The following RGL1 variants were observed in gnomAD, a reference collection of about 807,000 sequenced individuals.
The protein encoded by RGL1 is ral guanine nucleotide dissociation stimulator-like 1.
A neutral mutation model predicts 95.2 loss-of-function variants in RGL1; 24 were observed. The observed-to-expected ratio is 0.25, with a 90% CI of 0.18 to 0.35. The LOEUF is 0.35. Ranked by LOEUF, RGL1 falls within the 10% of genes least tolerant of loss-of-function variation. The pLI, the probability that RGL1 is intolerant of heterozygous loss-of-function variation, is 1.00. For synonymous variants in RGL1, 329 were observed against 344.9 expected, an observed-to-expected ratio of 0.95 and a Z score of 0.51; for missense variants, 715 against 936.3, an observed-to-expected ratio of 0.76 and a Z score of 3.08.
intron 2 of RGL1, chr1:183,754,363 C>G (rs1231432479): frequency 6.6e-6 from 1 of 152,044 alleles, no homozygotes; most frequent in East Asian, 1.9e-4. Context: ...GGTAACAAGT[C>G]CTATGTTGGT....
intron 1 of RGL1, among the ~76,000 whole-genome samples, chr1:183,654,630 C>T (rs929815143): frequency 2.0e-5 from 3 of 152,050 alleles, no homozygotes; most frequent in Non-Finnish European, 4.4e-5. Context: ...GAGGAAAAGA[C>T]AAAAAATATA....
intron 1 of RGL1, among the ~76,000 whole-genome samples, chr1:183,723,348 G>T (rs887244818): frequency 5.9e-5 from 9 of 152,210 alleles, no homozygotes; most frequent in African/African-American, 2.2e-4. Context: ...CGTAAGGACT[G>T]AAAATCAGTT....
rs761025520 is a variant in RGL1 at position 183,904,911 on chromosome 1, C to T, written c.1412C>T (p.Thr471Ile). 6.2e-7 allele frequency: 1 copy of T among 1,613,708 alleles called. No homozygotes were observed. The highest frequency in any genetic ancestry group is 8.5e-7 in the Non-Finnish European group (1 of 1,179,858). ...TCTGCCTGCAACAGCTATTGCATGA[C>T]CCCAGACCAAAAGTTCATCCAGTGG... ...LQSACNSYCM[T>I]PDQKFIQWFQ... The change falls in exon 13 of 18, where the codon ACC becomes ATC. Residue 471 changes from threonine to isoleucine, a missense_variant. By Grantham distance (89) the Thr-to-Ile change is moderately conservative (BLOSUM62 -1). Around this residue, in one of 3 missense-constraint regions of RGL1, gnomAD observed 330 missense variants for 429.6 expected, o/e 0.77. Coordinates refer to ENST00000360851, the MANE Select transcript of RGL1 (RefSeq NM_001297671.3).
In RGL1 at chr1:183,760,819, T is replaced by C. The variant is rs550256724; in HGVS notation, c.132+18530T>C. Among the ~76,000 whole-genome samples the C allele has an allele frequency of 3.9e-4, 60 of 152,330 alleles. 1 individual carries two copies. Among genetic ancestry groups the C allele is most frequent in the African/African-American group, 1.4e-3 (60 of 41,572 alleles). On this transcript the variant is annotated intron_variant, in intron 2 of 18. Transcript: ENST00000304685. Reference sequence around the variant, plus strand: ...GCTGCTACTTTATCAACTAAGTTTATGTAATATCTAAATCCTTTGTTGTCA... The same window carrying C: ...GCTGCTACTTTATCAACTAAGTTTACGTAATATCTAAATCCTTTGTTGTCA...
intron 2 of RGL1, among the ~76,000 whole-genome samples, chr1:183,811,200 A>T (rs1240509863): frequency 6.6e-6 from 1 of 152,236 alleles, no homozygotes; most frequent in East Asian, 1.9e-4. Context: ...AAAGCAGGGC[A>T]CAAAGGTATC....
intron 2 of RGL1, among the ~76,000 whole-genome samples, chr1:183,842,805 C>G (rs982144263): frequency 6.6e-6 from 1 of 152,170 alleles, no homozygotes; most frequent in African/African-American, 2.4e-5. Flanking sequence ...TCGTCTTCAA[C>G]TTAATAATTC....
At chr1:183,794,090 ACACG>A (rs1227291268) in intron 2 of RGL1, among the ~76,000 whole-genome samples, 2 of 148,180 alleles carry the variant, frequency 1.3e-5, no homozygotes, top group Non-Finnish European at 3.0e-5. Context: ...ACACACACAC[ACACG>A]AATACTATTC....
chr1:183,692,039 CTT>C (rs1405587764), intron 1 of RGL1, among the ~76,000 whole-genome samples: 1 of 150,282 alleles, frequency 6.7e-6, no homozygotes, highest in Non-Finnish European at 1.5e-5. Flanking sequence ...ATATGAGAAT[CTT>C]AATATATATT....
chr1:183,645,369 C>T (rs1288212637), intron 1 of RGL1, among the ~76,000 whole-genome samples: 1 of 152,176 alleles, frequency 6.6e-6, no homozygotes, highest in Admixed American at 6.5e-5. Context: ...ACCCCCAAAC[C>T]CTGGACCTTG....
chr1:183,854,172 G>A (rs1349405454), intron 3 of RGL1, among the ~76,000 whole-genome samples: 2 of 152,152 alleles, frequency 1.3e-5, no homozygotes, highest in South Asian at 2.1e-4. Context: ...ATAACACAGA[G>A]TTATAAAGGA....
Position 183,771,670 on chromosome 1 carries a change from A to G in RGL1, c.132+29381A>G, listed in dbSNP as rs568237076. On this transcript the variant is annotated intron_variant, in intron 2 of 18. Coordinates refer to the RGL1 transcript ENST00000304685. ...GAAGAGCGTGGTTCCTTTAAATGAT[A>G]TGGAAGCGGGAAGGGAAGTGTTGGA... is the stretch of plus-strand genomic sequence containing the variant. Among the ~76,000 whole-genome samples the G allele has an allele frequency of 3.8e-4, 58 of 151,932 alleles. 1 individual carries two copies. Among genetic ancestry groups the G allele is most frequent in the African/African-American group, 1.4e-3 (58 of 41,412 alleles).
intron 1 of RGL1, among the ~76,000 whole-genome samples, chr1:183,738,442 A>G (rs1235988885): frequency 6.6e-6 from 1 of 152,114 alleles, no homozygotes; most frequent in Non-Finnish European, 1.5e-5. Context: ...AAAGAAAAAG[A>G]AAGAAGTCAG....
intron 1 of RGL1, among the ~76,000 whole-genome samples, chr1:183,668,626 GT>G (rs1652208555): frequency 6.6e-6 from 1 of 151,830 alleles, no homozygotes; most frequent in African/African-American, 2.4e-5. Flanking sequence ...TTTTCTTTAT[GT>G]TTAATTTTTT....
At chr1:183,859,726 C>T (rs1028188981) in intron 3 of RGL1, among the ~76,000 whole-genome samples, 6 of 152,132 alleles carry the variant, frequency 3.9e-5, no homozygotes, top group African/African-American at 7.2e-5. Flanking sequence ...ATAGGGTTCT[C>T]GGCTCAATCT....
At chr1:183,876,040 G>A (rs1666478218) in intron 4 of RGL1, among the ~76,000 whole-genome samples, 1 of 152,026 alleles carries the variant, frequency 6.6e-6, no homozygotes, top group Non-Finnish European at 1.5e-5. Flanking sequence ...TCATCCCACT[G>A]ACTCCTAACC....
intron 2 of RGL1, among the ~76,000 whole-genome samples, chr1:183,840,535 C>G (rs1663979459): frequency 6.6e-6 from 1 of 152,066 alleles, no homozygotes; most frequent in Middle Eastern, 3.4e-3. Flanking sequence ...CTGCTGTGCC[C>G]TCCCCAACAT....
rs764289440 is a variant in RGL1 at position 183,926,232 on chromosome 1, G to A, written c.2247G>A (p.Thr749=). 1.2e-5 allele frequency: 20 copies of A among 1,613,748 alleles called. No homozygotes were observed. The highest frequency in any genetic ancestry group is 1.2e-4 in the Admixed American group (7 of 59,968). Reference sequence around the variant, plus strand: ...AACTGCGTAGCCGGACCAGCTTGACGTTGCCCAGGACAGCTAAACGGGGCT... The same window carrying A: ...AACTGCGTAGCCGGACCAGCTTGACATTGCCCAGGACAGCTAAACGGGGCT... The part of the protein sequence containing the change: ...QVKLRSRTSL[T]LPRTAKRGCW... Residue 749 remains threonine (T), a synonymous_variant, in exon 18 of 18, where the codon ACG becomes ACA. Coordinates refer to ENST00000360851, the MANE Select transcript of RGL1 (RefSeq NM_001297671.3).
At chr1:183,886,326 G>A (rs1241036863) in intron 7 of RGL1, among the ~76,000 whole-genome samples, 3 of 152,260 alleles carry the variant, frequency 2.0e-5, no homozygotes, top group Non-Finnish European at 4.4e-5. Context: ...TGCTCAGCAA[G>A]TAAGAGATAC....
chr1:183,916,567 C>T lies in RGL1; in HGVS notation c.1870C>T (p.His624Tyr), dbSNP rs1368460377. 1.9e-6 allele frequency: 3 copies of T among 1,613,776 alleles called. No individual in the cohort carries two copies. Among genetic ancestry groups the T allele is most frequent in the Non-Finnish European group, 2.5e-6 (3 of 1,179,986 alleles). Residue 624 changes from histidine (H) to tyrosine (Y), a missense_variant, in exon 16 of 18, where the codon CAC (histidine) becomes TAC (tyrosine). Around this residue, in one of 3 missense-constraint regions of RGL1, gnomAD observed 330 missense variants for 429.6 expected, o/e 0.77. Transcript: ENST00000360851. ...PPSCNNNPKI[H>Y]KRSVSVTSIT... The stretch of plus-strand genomic sequence containing the variant: ...GTCCTGCAACAACAACCCCAAAATC[C>T]ACAAGCGCTCTGTCTCGGTGACGTC...
Sources: allele counts gnomAD v4.1 joint callset (sites outside exome capture counted in the v4.1 genomes callset), GRCh38; gene constraint gnomAD v4.1.1; regional missense constraint gnomAD v4.1.1; transcripts MANE v1.5; gene names NCBI Gene and HGNC (gene_info 2026-07-23, HGNC 2026-07-21).